The following CLDN10 variants were observed in gnomAD, a reference collection of about 807,000 sequenced individuals.
CLDN10 encodes the protein claudin 10.
A neutral mutation model predicts 22.9 loss-of-function variants in CLDN10; 15 were observed. The observed-to-expected ratio is 0.65, with a 90% CI of 0.44 to 1.01. The LOEUF (loss-of-function observed/expected upper bound fraction) is 1.01. Among genes scored for constraint, CLDN10 ranks in the 50% least tolerant of loss-of-function variants. The probability of loss-of-function intolerance (pLI) is 0.00; values close to 1 mark genes in which losing one functional copy is unlikely to be tolerated. For missense variants in CLDN10, 247 were observed against 287.8 expected, an observed-to-expected ratio of 0.86 and a Z score of 1.03; for synonymous variants, 114 against 111.4, an observed-to-expected ratio of 1.02 and a Z score of -0.15.
intron 1 of CLDN10, among the ~76,000 whole-genome samples, chr13:95,507,875 G>A (rs572437175): frequency 6.6e-6 from 1 of 152,002 alleles, no homozygotes; most frequent in South Asian, 2.1e-4. Context: ...CACCTGCCTC[G>A]GCCTCCCAAA....
chr13:95,463,386 T>C (rs2042555947), intron 1 of CLDN10, among the ~76,000 whole-genome samples: 1 of 136,562 alleles, frequency 7.3e-6, no homozygotes, highest in Admixed American at 7.5e-5. Context: ...AGACTGGAGT[T>C]AAGTAGCATG....
At chr13:95,465,167 C>T (rs12872914) in intron 1 of CLDN10, among the ~76,000 whole-genome samples, 31,871 of 152,064 alleles carry the variant, frequency 0.21, 4,156 homozygotes, top group Non-Finnish European at 0.3. Flanking sequence ...GAGAATGAGG[C>T]AGAAGCGAAA....
At chr13:95,451,007 C>G (rs865985190) in intron 1 of CLDN10, among the ~76,000 whole-genome samples, 1 of 152,136 alleles carries the variant, frequency 6.6e-6, no homozygotes, top group Non-Finnish European at 1.5e-5. Flanking sequence ...TTTACCCATG[C>G]CCGTTTTGCA....
At chr13:95,438,359 C>T (rs945753634) in intron 1 of CLDN10, among the ~76,000 whole-genome samples, 24 of 152,218 alleles carry the variant, frequency 1.6e-4, no homozygotes, top group Admixed American at 1.2e-3. Context: ...CCAGCCTAGG[C>T]CTCCCAGAGT....
intron 1 of CLDN10, among the ~76,000 whole-genome samples, chr13:95,535,300 G>T (rs546537319): frequency 6.6e-6 from 1 of 152,192 alleles, no homozygotes; most frequent in Admixed American, 6.5e-5. Flanking sequence ...TATTAGAAGG[G>T]GTGAGCCCTG....
At chr13:95,488,789 G>T (rs541345233) in intron 1 of CLDN10, among the ~76,000 whole-genome samples, 54 of 152,056 alleles carry the variant, frequency 3.6e-4, no homozygotes, top group African/African-American at 1.2e-3. Context: ...TTGATTGATA[G>T]GCATTTGGGT....
At chr13:95,449,783 T>C (rs1485144837) in intron 1 of CLDN10, among the ~76,000 whole-genome samples, 2 of 144,616 alleles carry the variant, frequency 1.4e-5, no homozygotes, top group African/African-American at 2.5e-5. Flanking sequence ...TTGCTCTGTC[T>C]CCCAGGCTGG....
rs1340966491 is a variant in CLDN10, at chr13:95,579,045, T to C, written c.*1031T>C. ...CCTGTTTATGCCTAGTGTTCCATTATTGGAACACTAAGCATGTGGGAGTTA... is the reference window on the plus strand; with the variant it reads ...CCTGTTTATGCCTAGTGTTCCATTACTGGAACACTAAGCATGTGGGAGTTA... On this transcript the variant is annotated 3_prime_UTR_variant, in exon 5 of 5. Transcript: ENST00000299339. The C allele has an allele frequency of 6.6e-6, 1 of 152,210 alleles. No individual in the cohort carries two copies. Among genetic ancestry groups the C allele is most frequent in the African/African-American group, 2.4e-5 (1 of 41,452 alleles). 9.4% of individuals were successfully genotyped at this position (152,210 alleles called of 1,614,324 possible).
At chr13:95,469,544 A>C (rs2042610941) in intron 1 of CLDN10, among the ~76,000 whole-genome samples, 2 of 152,336 alleles carry the variant, frequency 1.3e-5, no homozygotes, top group Middle Eastern at 3.4e-3. Context: ...TAGTCTACAG[A>C]GGAGGAAACT....
chr13:95,444,075 A>C (rs1306459022), intron 1 of CLDN10, among the ~76,000 whole-genome samples: 1 of 152,170 alleles, frequency 6.6e-6, no homozygotes, highest in East Asian at 1.9e-4. Context: ...GTTCAGGTTT[A>C]TCTCTCACAA....
intron 1 of CLDN10, among the ~76,000 whole-genome samples, chr13:95,498,330 G>A (rs969817370): frequency 5.9e-5 from 9 of 152,208 alleles, no homozygotes; most frequent in African/African-American, 1.7e-4. Context: ...GAGAATTTCA[G>A]TTTCCAGTAC....
At chr13:95,567,157 G>A (rs991190326) in intron 3 of CLDN10, among the ~76,000 whole-genome samples, 1 of 152,142 alleles carries the variant, frequency 6.6e-6, no homozygotes. Flanking sequence ...ATATTGTGAA[G>A]AAAGTCAATG....
chr13:95,481,618 T>G (rs752500177), intron 1 of CLDN10, among the ~76,000 whole-genome samples: 6 of 152,248 alleles, frequency 3.9e-5, no homozygotes, highest in Non-Finnish European at 7.3e-5. Flanking sequence ...AGAATGAGCA[T>G]GGCTGTGTTC....
At chr13:95,542,199 C>G (rs1290059950) in intron 1 of CLDN10, among the ~76,000 whole-genome samples, 1 of 152,176 alleles carries the variant, frequency 6.6e-6, no homozygotes, top group Non-Finnish European at 1.5e-5. Flanking sequence ...CTGAACCATT[C>G]GTGAGAAATC....
intron 1 of CLDN10, among the ~76,000 whole-genome samples, chr13:95,553,512 A>ATTTGT (rs1491446696): frequency 2.6e-5 from 4 of 152,228 alleles, no homozygotes; most frequent in African/African-American, 9.7e-5. Context: ...GCGGGAAAAC[A>ATTTGT]TATTGCAGAA....
intron 1 of CLDN10, among the ~76,000 whole-genome samples, chr13:95,545,220 A>G (rs992570029): frequency 2.0e-5 from 3 of 152,182 alleles, no homozygotes; most frequent in African/African-American, 7.2e-5. Context: ...CTACTTCAGC[A>G]TATACTTTAT....
intron 3 of CLDN10, among the ~76,000 whole-genome samples, chr13:95,564,417 T>C (rs1288764314): frequency 6.6e-6 from 1 of 152,170 alleles, no homozygotes; most frequent in African/African-American, 2.4e-5. Flanking sequence ...TGCAGGAGCA[T>C]GTGTGTTTGG....
At chr13:95,533,237 G>C (rs2043365130) in intron 1 of CLDN10, among the ~76,000 whole-genome samples, 1 of 150,204 alleles carries the variant, frequency 6.7e-6, no homozygotes, top group South Asian at 2.1e-4. Flanking sequence ...AAGATTGATA[G>C]AGGGAGGGAG....
intron 3 of CLDN10, among the ~76,000 whole-genome samples, chr13:95,572,099 A>G (rs1435926907): frequency 6.6e-6 from 1 of 152,128 alleles, no homozygotes; most frequent in Non-Finnish European, 1.5e-5. Flanking sequence ...TTCAGCTCCA[A>G]CATGCCCTGA....
Sources: allele counts gnomAD v4.1 joint callset (sites outside exome capture counted in the v4.1 genomes callset), GRCh38; gene constraint gnomAD v4.1.1; transcripts MANE v1.5; gene names NCBI Gene and HGNC (gene_info 2026-07-23, HGNC 2026-07-21).